SLC2A13: variants seen among roughly 807,000 people sequenced by gnomAD.
SLC2A13 encodes solute carrier family 2 member 13.
Under a neutral mutation model 64.4 loss-of-function variants are expected in SLC2A13, and 32 were observed. The observed-to-expected ratio is 0.50, with a 90% CI of 0.37 to 0.67. SLC2A13 has a LOEUF of 0.67. Among genes scored for constraint, SLC2A13 ranks in the 30% least tolerant of loss-of-function variants. The pLI is 0.00. For missense variants in SLC2A13, 743 were observed against 829.2 expected, an observed-to-expected ratio of 0.90 and a Z score of 1.28; for synonymous variants, 338 against 327.1, an observed-to-expected ratio of 1.03 and a Z score of -0.36.
At chr12:39,869,454 AT>A (rs1943989072) in intron 5 of SLC2A13, among the ~76,000 whole-genome samples, 1 of 152,218 alleles carries the variant, frequency 6.6e-6, no homozygotes, top group South Asian at 2.1e-4. Flanking sequence ...TATCCACTGT[AT>A]CACTTGAATT....
intron 4 of SLC2A13, among the ~76,000 whole-genome samples, chr12:39,937,858 C>T (rs1435247847): frequency 6.6e-6 from 1 of 152,180 alleles, no homozygotes; most frequent in Non-Finnish European, 1.5e-5. Context: ...TCATCGAGGT[C>T]TTTTCTCCTT....
At chr12:40,041,986 C>T (rs1948097097) in intron 2 of SLC2A13, among the ~76,000 whole-genome samples, 1 of 152,242 alleles carries the variant, frequency 6.6e-6, no homozygotes, top group African/African-American at 2.4e-5. Context: ...CACTCTGCCT[C>T]CCATATCCAC....
intron 7 of SLC2A13, among the ~76,000 whole-genome samples, chr12:39,810,573 T>C (rs1253094582): frequency 1.3e-5 from 2 of 152,040 alleles, no homozygotes; most frequent in African/African-American, 4.8e-5. Flanking sequence ...AGAGGGAAAA[T>C]AATATTTTGC....
chr12:40,062,481 A>T (rs1462755225), intron 1 of SLC2A13, among the ~76,000 whole-genome samples: 1 of 152,060 alleles, frequency 6.6e-6, no homozygotes, highest in Non-Finnish European at 1.5e-5. Flanking sequence ...GCAAAACAGA[A>T]AAAAAAGCAT....
intron 3 of SLC2A13, among the ~76,000 whole-genome samples, chr12:39,974,430 C>T (rs772284344): frequency 2.0e-5 from 3 of 152,198 alleles, no homozygotes; most frequent in Non-Finnish European, 4.4e-5. Flanking sequence ...ATTTATAAAA[C>T]AGGATGATGA....
chr12:39,760,651 G>A (rs1447971480), intron 9 of SLC2A13, among the ~76,000 whole-genome samples: 1 of 151,834 alleles, frequency 6.6e-6, no homozygotes, highest in Non-Finnish European at 1.5e-5. Context: ...TACACTAGAG[G>A]CACTTTGAGG....
intron 1 of SLC2A13, chr12:40,068,325 T>C (rs1368395962): frequency 7.3e-6 from 3 of 413,578 alleles, no homozygotes; most frequent in Admixed American, 5.4e-5. Context: ...GCACAGTCTG[T>C]AGTATTTTCC....
intron 6 of SLC2A13, among the ~76,000 whole-genome samples, chr12:39,853,314 A>G (rs1333759179): frequency 6.6e-6 from 1 of 152,178 alleles, no homozygotes; most frequent in African/African-American, 2.4e-5. Flanking sequence ...GGGTGATCTA[A>G]GTGCTGTTTG....
intron 5 of SLC2A13, among the ~76,000 whole-genome samples, chr12:39,865,440 A>C (rs1943883213): frequency 6.6e-6 from 1 of 152,220 alleles, no homozygotes; most frequent in Non-Finnish European, 1.5e-5. Flanking sequence ...ACCAGAAATA[A>C]TATATCACAT....
intron 4 of SLC2A13, among the ~76,000 whole-genome samples, chr12:39,926,321 T>C (rs1798440051): frequency 6.6e-6 from 1 of 152,120 alleles, no homozygotes; most frequent in South Asian, 2.1e-4. Flanking sequence ...TACATACAAA[T>C]CTCAGGTTTA....
At chr12:39,966,138 TAG>T (rs201821233) in intron 3 of SLC2A13, among the ~76,000 whole-genome samples, 196 of 148,642 alleles carry the variant, frequency 1.3e-3, no homozygotes, top group African/African-American at 2.8e-3. Flanking sequence ...TATATATATA[TAG>T]AGAGAGAGAG....
intron 4 of SLC2A13, among the ~76,000 whole-genome samples, chr12:39,945,320 T>C (rs1161212298): frequency 6.6e-6 from 1 of 152,166 alleles, no homozygotes; most frequent in Non-Finnish European, 1.5e-5. Context: ...TTGGGTAACC[T>C]GATAATGTGC....
At chr12:39,816,001 A>G (rs1425176412) in intron 7 of SLC2A13, among the ~76,000 whole-genome samples, 1 of 152,228 alleles carries the variant, frequency 6.6e-6, no homozygotes, top group Non-Finnish European at 1.5e-5. Context: ...TTCAAGTCTT[A>G]TTCAATTAGC....
At chr12:39,780,098 C>T (rs1940925514) in intron 7 of SLC2A13, among the ~76,000 whole-genome samples, 1 of 152,150 alleles carries the variant, frequency 6.6e-6, no homozygotes, top group African/African-American at 2.4e-5. Flanking sequence ...AATTGACTAA[C>T]GTTTGTATAG....
At chr12:40,070,044 T>G (rs1937892265) in intron 1 of SLC2A13, among the ~76,000 whole-genome samples, 1 of 152,078 alleles carries the variant, frequency 6.6e-6, no homozygotes, top group Admixed American at 6.6e-5. Flanking sequence ...ATAAGTATAT[T>G]CCCTCAGAAA....
intron 2 of SLC2A13, among the ~76,000 whole-genome samples, chr12:40,028,863 C>G (rs1947863609): frequency 6.6e-6 from 1 of 152,096 alleles, no homozygotes; most frequent in Non-Finnish European, 1.5e-5. Context: ...TTGTATTTTA[C>G]AATATAAAAT....
intron 2 of SLC2A13, among the ~76,000 whole-genome samples, chr12:40,032,585 T>C (rs754549515): frequency 5.3e-5 from 8 of 152,156 alleles, no homozygotes; most frequent in Non-Finnish European, 4.4e-5. Flanking sequence ...ATTCCAGAGA[T>C]GGAAGCTCTG....
At chr12:40,098,067 GTATATATATGTATATATGCA>G (rs1255516988) in intron 1 of SLC2A13, among the ~76,000 whole-genome samples, 1 of 150,740 alleles carries the variant, frequency 6.6e-6, no homozygotes, top group Non-Finnish European at 1.5e-5. Context: ...GTATATATGT[GTATATATATGTATATATGCA>G]TATATGTGTA....
intron 7 of SLC2A13, among the ~76,000 whole-genome samples, chr12:39,765,395 C>T (rs1940311676): frequency 6.6e-6 from 1 of 152,012 alleles, no homozygotes; most frequent in Admixed American, 6.6e-5. Flanking sequence ...CCAGTCACTC[C>T]CTGATGACCT....
Sources: gnomAD v4.1 joint callset for allele counts (sites outside exome capture counted in the v4.1 genomes callset) on GRCh38, gnomAD v4.1.1 for gene constraint, MANE v1.5 for transcripts, NCBI Gene and HGNC (gene_info 2026-07-23, HGNC 2026-07-21) for gene names.